Variants in KLC3 observed in about 807,000 individuals in gnomAD.
The protein encoded by KLC3 is kinesin light chain 2.
KLC3 carries 72 observed loss-of-function variants against 62.9 expected under a neutral mutation model. That is an observed-to-expected ratio of 1.15 (90% CI 0.95 to 1.39). KLC3 has a LOEUF of 1.39. KLC3 is among the 40% of genes most tolerant of loss of function. The probability of loss-of-function intolerance (pLI) is 0.00; values close to 1 mark genes in which losing one functional copy is unlikely to be tolerated. For missense variants in KLC3, 848 were observed against 691.6 expected, an observed-to-expected ratio of 1.23 and a Z score of -2.54; for synonymous variants, 377 against 300.5, an observed-to-expected ratio of 1.25 and a Z score of -2.63.
In KLC3 at chr19:45,351,509, C is replaced by T. The variant is rs771378900; in HGVS notation, c.*152C>T. 4.5e-5 allele frequency: 72 copies of T among 1,598,230 alleles called. No individual in the cohort carries two copies. Among genetic ancestry groups the T allele is most frequent in the South Asian group, 3.1e-4 (28 of 90,690 alleles). On this transcript the variant is annotated 3_prime_UTR_variant, in exon 13 of 13. Transcript: ENST00000391946. ...TTCTCCTGCGATTAAAGGCTGTGGA[C>T]GTGACAGTGAGAAATGTCACCTGAC...
At position 45,348,900 on chromosome 19, in the gene KLC3, C is replaced by T. The variant is rs368190894; in HGVS notation, c.948C>T (p.Arg316=). The stretch of plus-strand genomic sequence containing the variant: ...GGGAGGCAGAGCCCCTGTGCCAGCG[C>T]GCTTTGGAGATCCGAGAGAAGGTCC... ...RYREAEPLCQ[R]ALEIREKVLG... The change falls in exon 7 of 13, where the codon CGC becomes CGT. Residue 316 remains arginine (R), a synonymous_variant. Transcript: ENST00000391946. The T allele has an allele frequency of 5.6e-5, 89 of 1,583,862 alleles. No individual in the cohort carries two copies. Among genetic ancestry groups the T allele is most frequent in the East Asian group, 5.0e-4 (22 of 43,756 alleles).
At chr19:45,351,078 C>CAA (rs1274047806) in intron 12 of KLC3, 61 bp downstream of exon 12, 3 of 1,613,226 alleles carry the variant, frequency 1.9e-6, no homozygotes, top group African/African-American at 2.7e-5. Context: ...AGAGATGAGG[C>CAA]AAAGGCAGGG....
chr19:45,346,571 G>A lies in KLC3; in HGVS notation c.286G>A (p.Gly96Ser). ...QVLLALSAHV[G>S]ALEAEKQRLR... Reference sequence around the variant, plus strand: ...GCTGCTGGCCCTGTCGGCACATGTGGGTGCACTGGAGGCAGAGAAGCAGCG... The same window carrying A: ...GCTGCTGGCCCTGTCGGCACATGTGAGTGCACTGGAGGCAGAGAAGCAGCG... The change falls in exon 3 of 13, where the codon GGT becomes AGT. Residue 96 changes from glycine to serine, a missense_variant. Coordinates refer to ENST00000391946, the MANE Select transcript of KLC3 (RefSeq NM_177417.3). The A allele has an allele frequency of 6.5e-7, 1 of 1,546,264 alleles. No individual in the cohort carries two copies.
chr19:45,349,685 C>T (rs1311332432), intron 8 of KLC3, 83 bp downstream of exon 8: 9 of 857,926 alleles, frequency 1.0e-5, no homozygotes, highest in Non-Finnish European at 1.6e-6. Context: ...ACAGGGTGAG[C>T]AACGTGAGGG....
rs868176102 is a variant in KLC3, at chr19:45,346,700, C to G, written c.415C>G (p.Gln139Glu). The part of the protein sequence containing the change: ...RLRASEESVA[Q>E]LEEEKRHLEF... Reference sequence around the variant, plus strand: ...TCGGGCCAGCGAGGAGTCCGTGGCCCAGCTGGAGGAGGAGAAGCGCCACCT... The same window carrying G: ...TCGGGCCAGCGAGGAGTCCGTGGCCGAGCTGGAGGAGGAGAAGCGCCACCT... Residue 139 changes from glutamine (Q) to glutamate (E), a missense_variant, in exon 3 of 13, where the codon CAG becomes GAG. Gln to Glu is a conservative substitution (Grantham distance 29, BLOSUM62 2). Coordinates refer to ENST00000391946, the MANE Select transcript of KLC3 (RefSeq NM_177417.3). 6.4e-7 allele frequency: 1 copy of G among 1,573,918 alleles called. No individual in the cohort carries two copies. The highest frequency in any genetic ancestry group is 1.9e-5 in the Admixed American group (1 of 53,510).
At position 45,348,118 on chromosome 19, in the gene KLC3, C is replaced by G. The variant is rs770185766; in HGVS notation, c.737C>G (p.Pro246Arg). 8 of 1,600,658 alleles carry G rather than the reference C, an allele frequency of 5.0e-6. No individual in the cohort carries two copies. The highest frequency in any genetic ancestry group is 6.8e-6 in the Non-Finnish European group (8 of 1,173,728). Residue 246 changes from proline to arginine, a missense_variant, in exon 5 of 13, where the codon CCT becomes CGT. Transcript: ENST00000391946. ...DLERSSGHCH[P>R]DVATMLNILA... is the part of the protein sequence containing the mutation. ...GAGCGCAGCTCGGGCCACTGCCACCCTGACGTGGCCACCATGCTCAACATC... is the reference window on the plus strand; with the variant it reads ...GAGCGCAGCTCGGGCCACTGCCACCGTGACGTGGCCACCATGCTCAACATC...
At chr19:45,344,085 A>C (rs1389039636) in intron 1 of KLC3, among the ~76,000 whole-genome samples, 1 of 149,860 alleles carries the variant, frequency 6.7e-6, no homozygotes, top group Non-Finnish European at 1.5e-5. Flanking sequence ...GCCTCAGCCA[A>C]AATCCCAAAG....
At chr19:45,341,151 C>T (rs542485456) in intron 1 of KLC3, among the ~76,000 whole-genome samples, 148 of 150,688 alleles carry the variant, frequency 9.8e-4, no homozygotes, top group African/African-American at 3.5e-3. Context: ...GCTTGCGGGG[C>T]TGGGCCACGA....
chr19:45,341,578 T>TGTGTGTGCGCGCGCACGCGC, intron 1 of KLC3, among the ~76,000 whole-genome samples: 1 of 139,800 alleles, frequency 7.2e-6, no homozygotes, highest in Non-Finnish European at 1.6e-5. Context: ...TGTGTGTGTG[T>TGTGTGTGCGCGCGCACGCGC]GCGCGCGCGC....
intron 1 of KLC3, among the ~76,000 whole-genome samples, chr19:45,342,841 G>A (rs976394588): frequency 2.0e-5 from 3 of 152,104 alleles, no homozygotes; most frequent in Non-Finnish European, 2.9e-5. Flanking sequence ...CTAGAGAGAG[G>A]GAGAGATCAA....
In KLC3 at chr19:45,345,629, G is replaced by A. The variant is rs1279977910; in HGVS notation, c.88G>A (p.Val30Met). 6.3e-6 allele frequency: 10 copies of A among 1,584,460 alleles called. No individual in the cohort carries two copies. Residue 30 changes from valine (V) to methionine (M), a missense_variant, in exon 2 of 13, where the codon GTG becomes ATG. Coordinates refer to ENST00000391946, the MANE Select transcript of KLC3 (RefSeq NM_177417.3). ...PEELVRQTRQ[V>M]VQGLEALRAE... ...GGAGCTGGTGCGGCAGACGCGGCAA[G>A]TGGTCCAGGGGCTGGAGGCGCTGCG...
chr19:45,347,009 C>G, intron 3 of KLC3: 4 of 505,924 alleles, frequency 7.9e-6, no homozygotes, highest in Non-Finnish European at 1.4e-5. Flanking sequence ...TCGCCAGACC[C>G]CCAGGGGGCC....
Position 45,341,588 on chromosome 19 carries a change from C to T in KLC3, c.-9+742C>T, listed in dbSNP as rs113844375. ...GTGTGTGTGTGTGTGTGCGCGCGCGCGTGTGGTGGACAGTGTGGCACTGGA... is the reference window on the plus strand; with the variant it reads ...GTGTGTGTGTGTGTGTGCGCGCGCGTGTGTGGTGGACAGTGTGGCACTGGA... On this transcript the variant is annotated intron_variant, in intron 1 of 12. Coordinates refer to ENST00000391946, the MANE Select transcript of KLC3 (RefSeq NM_177417.3). Among the ~76,000 whole-genome samples the T allele has an allele frequency of 2.6e-4, 34 of 132,404 alleles. No homozygotes were observed. In the East Asian group the frequency reaches 3.3e-3, roughly 13 times the overall value. The allele number at this position is 132,404 out of a possible 152,430, so 86.9% of individuals were successfully genotyped here. A position where few individuals can be genotyped will look rare whatever the true frequency, so the allele number is the denominator to read the frequency against.
rs1374933729 is a variant in KLC3, at chr19:45,342,962, TGAGTG to T, written c.-9+2117_-9+2121del. ...GCTGCTTATGGTGGATGCAGTGGCT[TGAGTG>T]AAGTGTGCGAGAACGTGGCATCCCT... On this transcript the variant is annotated intron_variant, in intron 1 of 12. Transcript: ENST00000391946. Among the ~76,000 whole-genome samples the T allele has an allele frequency of 2.0e-5, 3 of 152,148 alleles. No homozygotes were observed. In the East Asian group the frequency reaches 5.8e-4, roughly 29 times the overall value.
rs1011665005 is a variant in KLC3 at position 45,347,349 on chromosome 19, A to AC, written c.490-98_490-97insC. 1.4e-4 allele frequency: 123 copies of AC among 905,702 alleles called. No homozygotes were observed. In the African/African-American group the frequency reaches 1.9e-3, roughly 14 times the overall value. The allele number at this position is 905,702 out of a possible 1,614,324, so 56.1% of individuals were successfully genotyped here. ...AAGCGAAACTCCGTCTCAAAAAAAAAAAAAAAACAAAAAAACAAAAACCTG... is the reference window on the plus strand; with the variant it reads ...AAGCGAAACTCCGTCTCAAAAAAAAACAAAAAAACAAAAAAACAAAAACCTG... On this transcript the variant is annotated intron_variant, in intron 3 of 12. Transcript: ENST00000391946.
rs1318654671 is a variant in KLC3 at position 45,346,682 on chromosome 19, A to T, written c.397A>T (p.Ser133Cys). ...LEETQRRLRA[S>C]EESVAQLEEE... ...GGAGACGCAGCGGCGGCTTCGGGCC[A>T]GCGAGGAGTCCGTGGCCCAGCTGGA... is the stretch of plus-strand genomic sequence containing the variant. Residue 133 changes from serine (S) to cysteine (C), a missense_variant, in exon 3 of 13, where the codon AGC becomes TGC. By Grantham distance (112) the Ser-to-Cys change is moderately radical. Transcript: ENST00000391946. The T allele has an allele frequency of 3.2e-6, 5 of 1,561,758 alleles. No individual in the cohort carries two copies. Among genetic ancestry groups the T allele is most frequent in the Non-Finnish European group, 4.3e-6 (5 of 1,155,146 alleles).
At chr19:45,348,762 G>A (rs1452128459) in intron 6 of KLC3, 29 bp downstream of exon 6, 1 of 1,563,486 alleles carries the variant, frequency 6.4e-7, no homozygotes, top group Non-Finnish European at 8.7e-7. Flanking sequence ...AGACGAAGTG[G>A]GGTCAAAGTG....
chr19:45,349,768 G>A (rs1971626051), intron 8 of KLC3, 166 bp downstream of exon 8: 2 of 659,470 alleles, frequency 3.0e-6, no homozygotes, highest in Non-Finnish European at 4.9e-6. Flanking sequence ...ACAGAACACG[G>A]AATCAGGAAA....
At chr19:45,341,311 A>G (rs1255710619) in intron 1 of KLC3, among the ~76,000 whole-genome samples, 1 of 151,778 alleles carries the variant, frequency 6.6e-6, no homozygotes, top group Non-Finnish European at 1.5e-5. Flanking sequence ...GTATGATGTG[A>G]CACTTTTAGC....
Sources: gnomAD v4.1 joint callset for allele counts (sites outside exome capture counted in the v4.1 genomes callset) on GRCh38, gnomAD v4.1.1 for gene constraint, MANE v1.5 for transcripts, NCBI Gene and HGNC (gene_info 2026-07-23, HGNC 2026-07-21) for gene names.